Variants in USP25 observed in about 807,000 individuals in gnomAD.
USP25 encodes the protein ubiquitin carboxyl-terminal hydrolase 25.
Under a neutral mutation model 158.5 loss-of-function variants are expected in USP25, and 85 were observed. The ratio of observed to expected loss-of-function variants is 0.54; its 90% CI spans 0.45 to 0.64. The LOEUF (loss-of-function observed/expected upper bound fraction) is 0.64, where lower values mean the gene tolerates loss of function less well. Ranked by LOEUF, USP25 falls within the 30% of genes least tolerant of loss-of-function variation. The pLI, the probability that USP25 is intolerant of heterozygous loss-of-function variation, is 0.00. For missense variants in USP25, 1,242 were observed against 1,327.3 expected (o/e 0.94, Z 1.00); for synonymous variants, 464 against 460.4 (o/e 1.01, Z -0.10).
intron 8 of USP25, among the ~76,000 whole-genome samples, chr21:15,809,303 C>T (rs147402753): frequency 1.5e-4 from 23 of 152,258 alleles, no homozygotes; most frequent in African/African-American, 5.5e-4. Flanking sequence ...TTTCTGGGAT[C>T]TTGCTGGCAG....
At chr21:15,785,557 A>C (rs79014476) in intron 4 of USP25, among the ~76,000 whole-genome samples, 265 of 152,340 alleles carry the variant, frequency 1.7e-3, no homozygotes, top group African/African-American at 6.2e-3. Context: ...GTTAATATGC[A>C]CCTTAATAAC....
At chr21:15,799,879 A>C (rs1326102622) in intron 6 of USP25, 36 bp downstream of exon 6, 21 of 1,429,778 alleles carry the variant, frequency 1.5e-5, no homozygotes, top group Non-Finnish European at 2.0e-5. Flanking sequence ...CAGTATATAT[A>C]CTCTATATGT....
At chr21:15,751,085 T>C (rs2032981613) in intron 1 of USP25, among the ~76,000 whole-genome samples, 1 of 152,172 alleles carries the variant, frequency 6.6e-6, no homozygotes, top group Admixed American at 6.5e-5. Context: ...GATGATTGGC[T>C]GCTAGAGGGT....
At chr21:15,738,486 A>G (rs919362967) in intron 1 of USP25, among the ~76,000 whole-genome samples, 1 of 152,174 alleles carries the variant, frequency 6.6e-6, no homozygotes, top group Non-Finnish European at 1.5e-5. Flanking sequence ...ACTATTGTAC[A>G]TCTTTTGTTT....
intron 20 of USP25, among the ~76,000 whole-genome samples, chr21:15,859,137 ATATATC>A (rs2039296765): frequency 6.7e-6 from 1 of 148,462 alleles, no homozygotes; most frequent in Non-Finnish European, 1.5e-5. Flanking sequence ...TATATATATA[ATATATC>A]TATATTATAT....
chr21:15,809,830 CAGA>C (rs1490809120), intron 8 of USP25, among the ~76,000 whole-genome samples: 1 of 152,082 alleles, frequency 6.6e-6, no homozygotes, highest in Non-Finnish European at 1.5e-5. Flanking sequence ...CTGAAAAGCA[CAGA>C]AGTTCTGACA....
intron 1 of USP25, among the ~76,000 whole-genome samples, chr21:15,752,934 C>T (rs2123328383): frequency 6.6e-6 from 1 of 152,200 alleles, no homozygotes; most frequent in Non-Finnish European, 1.5e-5. Flanking sequence ...CATTTGTTAC[C>T]CGCCAAAAAC....
Position 15,785,999 on chromosome 21 carries a change from CAA to C in USP25, c.393-5502_393-5501del, listed in dbSNP as rs531292100. ...AATGTATCACAGAATTGGAGGATCA[CAA>C]GAGACTATTATGAACAACTGTATAC... On this transcript the variant is annotated intron_variant, in intron 4 of 25. Coordinates refer to ENST00000400183, the MANE Select transcript of USP25 (RefSeq NM_001283041.3). Among the ~76,000 whole-genome samples, 15 of 150,956 alleles carry C rather than the reference CAA, an allele frequency of 9.9e-5. No individual in the cohort carries two copies. In the East Asian group the frequency reaches 2.7e-3, roughly 27 times the overall value.
intron 4 of USP25, among the ~76,000 whole-genome samples, chr21:15,787,659 A>G (rs1003165868): frequency 2.0e-5 from 3 of 152,092 alleles, no homozygotes; most frequent in African/African-American, 7.2e-5. Flanking sequence ...TTTGATCCCA[A>G]TTAAAAATAC....
At chr21:15,848,905 A>G (rs985214133) in intron 19 of USP25, among the ~76,000 whole-genome samples, 3 of 152,192 alleles carry the variant, frequency 2.0e-5, no homozygotes, top group African/African-American at 7.2e-5. Flanking sequence ...TGATTTCTGT[A>G]AGATAGCTTC....
Position 15,842,416 on chromosome 21 carries a change from C to T in USP25, c.2213C>T (p.Pro738Leu). 1 of 1,613,338 alleles carries T rather than the reference C, an allele frequency of 6.2e-7. No homozygotes were observed. The highest frequency in any genetic ancestry group is 8.5e-7 in the Non-Finnish European group (1 of 1,179,604). Residue 738 changes from proline to leucine, a missense_variant, in exon 18 of 26, where the codon CCA becomes CTA. Pro to Leu is a moderately conservative substitution (Grantham distance 98). This residue lies in a region of USP25 where 608 missense variants were observed against 605.2 expected (regional missense o/e 1.00). Transcript: ENST00000400183. ...CATGAAGCACAAGCAGCAGGAGACC[C>T]AGAATATCTAGAGCAGCCATCAAGA... ...SVTTAQAAGD[P>L]EYLEQPSRSD... is the part of the protein sequence containing the mutation.
At chr21:15,789,770 C>T (rs531119488) in intron 4 of USP25, among the ~76,000 whole-genome samples, 1 of 151,980 alleles carries the variant, frequency 6.6e-6, no homozygotes, top group South Asian at 2.1e-4. Context: ...TGTATCTCAA[C>T]GTCTAAATAT....
chr21:15,768,044 T>C (rs965138292), intron 3 of USP25, among the ~76,000 whole-genome samples: 5 of 152,094 alleles, frequency 3.3e-5, no homozygotes. Context: ...TTGCTGATAA[T>C]TAAAACTTTT....
chr21:15,757,139 GT>G, intron 1 of USP25, among the ~76,000 whole-genome samples: 1 of 152,208 alleles, frequency 6.6e-6, no homozygotes, highest in East Asian at 1.9e-4. Context: ...GGAAATGAAG[GT>G]TCAGGGTTTC....
intron 4 of USP25, 25 bp from the exon 5 acceptor site, chr21:15,791,477 G>T: frequency 6.3e-7 from 1 of 1,588,586 alleles, no homozygotes; most frequent in South Asian, 1.2e-5. Context: ...ATATAATGCT[G>T]CATTTTTTTC....
At chr21:15,762,439 G>A (rs2123401523) in intron 1 of USP25, among the ~76,000 whole-genome samples, 1 of 152,298 alleles carries the variant, frequency 6.6e-6, no homozygotes, top group Non-Finnish European at 1.5e-5. Flanking sequence ...AGATTGGACA[G>A]TGAAATGATC....
chr21:15,817,137 A>G (rs2036981404), intron 9 of USP25, among the ~76,000 whole-genome samples: 1 of 151,734 alleles, frequency 6.6e-6, no homozygotes, highest in Non-Finnish European at 1.5e-5. Flanking sequence ...GTCTCAATAA[A>G]AAATAAAATG....
intron 3 of USP25, among the ~76,000 whole-genome samples, chr21:15,768,730 T>C (rs2034179447): frequency 6.6e-6 from 1 of 152,128 alleles, no homozygotes; most frequent in Non-Finnish European, 1.5e-5. Flanking sequence ...TTGAGCACTT[T>C]CTCCATTTTG....
At chr21:15,806,783 T>A (rs1176955919) in intron 7 of USP25, among the ~76,000 whole-genome samples, 2 of 152,198 alleles carry the variant, frequency 1.3e-5, no homozygotes, top group Non-Finnish European at 2.9e-5. Context: ...AATGTAAGCA[T>A]CATGATTTTT....
Sources: gnomAD v4.1 joint callset for allele counts (sites outside exome capture counted in the v4.1 genomes callset) on GRCh38, gnomAD v4.1.1 for gene constraint, gnomAD v4.1.1 regional missense constraint, MANE v1.5 for transcripts, NCBI Gene and HGNC (gene_info 2026-07-23, HGNC 2026-07-21) for gene names.